Variants in MYO1E observed in about 807,000 individuals in gnomAD.
The protein encoded by MYO1E is myosin IE.
In MYO1E, 68 loss-of-function variants were observed where a neutral mutation model predicts 151.1. That is an observed-to-expected ratio of 0.45 (90% CI 0.37 to 0.55). The LOEUF (loss-of-function observed/expected upper bound fraction) is 0.55, where lower values mean the gene tolerates loss of function less well. Ranked by LOEUF, MYO1E falls within the 20% of genes least tolerant of loss-of-function variation. The pLI is 0.00. For missense variants in MYO1E, 1,363 were observed against 1,389.3 expected (o/e 0.98, Z 0.30); for synonymous variants, 601 against 501.7 (o/e 1.20, Z -2.64).
In MYO1E at chr15:59,320,384, A is replaced by G. The variant is rs147356481; in HGVS notation, c.4-47935T>C. Among the ~76,000 whole-genome samples, 38 of 152,350 alleles carry G rather than the reference A, an allele frequency of 2.5e-4. 3 individuals are homozygous for G. Among genetic ancestry groups the G allele is most frequent in the African/African-American group, 8.7e-4 (36 of 41,582 alleles). ...CAAAAGCAATCCTAAGCAAAAAAGA[A>G]TAAAGCCAGAGACATCACATTAACT... is the stretch of plus-strand genomic sequence containing the variant. On this transcript the variant is annotated intron_variant, in intron 1 of 27. Coordinates refer to ENST00000288235, the MANE Select transcript of MYO1E (RefSeq NM_004998.4).
Position 59,162,753 on chromosome 15 carries a change from G to A in MYO1E, c.2627+404C>T, listed in dbSNP as rs150449011. Among the ~76,000 whole-genome samples the A allele has an allele frequency of 1.1e-4, 16 of 151,920 alleles. No homozygotes were observed. The East Asian group carries it at 2.7e-3, about 26-fold the overall frequency. On this transcript the variant is annotated intron_variant, in intron 23 of 27. Transcript: ENST00000288235. The stretch of plus-strand genomic sequence containing the variant: ...CCCCGGAGGCTCTACCAATAAACAG[G>A]TTTTATTATGCATTGGTTTGGGGAA...
chr15:59,368,280 C>G (rs1383529562), intron 1 of MYO1E, among the ~76,000 whole-genome samples: 1 of 152,186 alleles, frequency 6.6e-6, no homozygotes, highest in Non-Finnish European at 1.5e-5. Flanking sequence ...TATTTACTCT[C>G]TAGAGGCCAG....
chr15:59,274,841 G>C (rs1214366168), intron 1 of MYO1E, among the ~76,000 whole-genome samples: 1 of 152,112 alleles, frequency 6.6e-6, no homozygotes, highest in African/African-American at 2.4e-5. Flanking sequence ...ACTCACGGTA[G>C]AGTTCATTGA....
At chr15:59,289,994 C>A (rs1479878555) in intron 1 of MYO1E, among the ~76,000 whole-genome samples, 11 of 152,232 alleles carry the variant, frequency 7.2e-5, no homozygotes, top group Non-Finnish European at 1.5e-5. Context: ...GATCGGGGAA[C>A]GGGCATCACT....
chr15:59,193,813 A>G lies in MYO1E; in HGVS notation c.1805+1648T>C, dbSNP rs375533020. ...AGCTCCTCATCCGGGCCTGAATATCATTAACGGACAATATTGTAGAAGGAA... is the reference window on the plus strand; with the variant it reads ...AGCTCCTCATCCGGGCCTGAATATCGTTAACGGACAATATTGTAGAAGGAA... On this transcript the variant is annotated intron_variant, in intron 17 of 27. Coordinates refer to ENST00000288235, the MANE Select transcript of MYO1E (RefSeq NM_004998.4). Among the ~76,000 whole-genome samples, 14 of 152,338 alleles carry G rather than the reference A, an allele frequency of 9.2e-5. No homozygotes were observed. The East Asian group carries it at 2.3e-3, about 25-fold the overall frequency.
intron 16 of MYO1E, among the ~76,000 whole-genome samples, chr15:59,196,892 T>C (rs1422353324): frequency 1.3e-5 from 2 of 152,076 alleles, no homozygotes; most frequent in Non-Finnish European, 2.9e-5. Flanking sequence ...ACTGCAGGGT[T>C]GAATATAGCA....
intron 1 of MYO1E, among the ~76,000 whole-genome samples, chr15:59,277,556 A>AT (rs79926678): frequency 1.4e-5 from 2 of 143,756 alleles, no homozygotes; most frequent in Non-Finnish European, 3.0e-5. Flanking sequence ...CACAAAAAAA[A>AT]AAAAAAAAAA....
chr15:59,276,618 G>A (rs1048231417), intron 1 of MYO1E, among the ~76,000 whole-genome samples: 34 of 152,196 alleles, frequency 2.2e-4, no homozygotes, highest in African/African-American at 8.0e-4. Context: ...TCATGTGCAA[G>A]TTCTGGAAAG....
chr15:59,322,181 T>TA (rs11300619), intron 1 of MYO1E, among the ~76,000 whole-genome samples: 146 of 140,314 alleles, frequency 1.0e-3, no homozygotes, highest in Middle Eastern at 3.6e-3. Flanking sequence ...TCTCAAAAAT[T>TA]AAAAAAAAAA....
intron 1 of MYO1E, among the ~76,000 whole-genome samples, chr15:59,356,915 T>G (rs2080856725): frequency 6.6e-6 from 1 of 151,666 alleles, no homozygotes; most frequent in African/African-American, 2.4e-5. Context: ...TTTTGGTTTT[T>G]TTTTTTTGAG....
chr15:59,353,752 C>A (rs1334263044), intron 1 of MYO1E, among the ~76,000 whole-genome samples: 1 of 85,498 alleles, frequency 1.2e-5, no homozygotes. Flanking sequence ...AGCAAAACTC[C>A]GTCTCAAAAA....
chr15:59,209,400 G>A (rs376347055), intron 13 of MYO1E, among the ~76,000 whole-genome samples: 13 of 152,126 alleles, frequency 8.5e-5, no homozygotes, highest in African/African-American at 2.7e-4. Context: ...TTGTCTGGCC[G>A]GGCATGGTGG....
At chr15:59,326,074 T>C (rs1340653891) in intron 1 of MYO1E, among the ~76,000 whole-genome samples, 1 of 152,044 alleles carries the variant, frequency 6.6e-6, no homozygotes, top group Non-Finnish European at 1.5e-5. Context: ...AAAACTCTCA[T>C]TAAACTCAAA....
At position 59,138,199 on chromosome 15, in the gene MYO1E, T is replaced by G. The variant is rs1359553771; in HGVS notation, c.3249A>C (p.Glu1083Asp). The G allele has an allele frequency of 6.2e-7, 1 of 1,614,176 alleles. No individual in the cohort carries two copies. The highest frequency in any genetic ancestry group is 8.5e-7 in the Non-Finnish European group (1 of 1,180,024). ...NANDIIDIIKEDPSGWWTGRL... is the reference protein window; with the variant it reads ...NANDIIDIIKDDPSGWWTGRL... Reference sequence around the variant, plus strand: ...CCAGCCAACCAGCCACACACTTACCTTCTTTGATAATATCAATAATGTCAT... The same window carrying G: ...CCAGCCAACCAGCCACACACTTACCGTCTTTGATAATATCAATAATGTCAT... The change falls in exon 27 of 28, where the codon GAA becomes GAC. Residue 1083 changes from glutamate to aspartate, a missense_variant and splice_region_variant. Coordinates refer to ENST00000288235, the MANE Select transcript of MYO1E (RefSeq NM_004998.4).
At chr15:59,253,304 T>C (rs1460147380) in intron 4 of MYO1E, among the ~76,000 whole-genome samples, 2 of 152,094 alleles carry the variant, frequency 1.3e-5, no homozygotes, top group Admixed American at 1.3e-4. Flanking sequence ...TGCAGAAAAA[T>C]AATAGAATTA....
chr15:59,361,758 C>A (rs1425823418), intron 1 of MYO1E, among the ~76,000 whole-genome samples: 1 of 152,128 alleles, frequency 6.6e-6, no homozygotes, highest in Non-Finnish European at 1.5e-5. Flanking sequence ...AGTCGTCTCC[C>A]TTTCCTCTTT....
At chr15:59,220,888 G>C (rs1207189588) in intron 9 of MYO1E, among the ~76,000 whole-genome samples, 1 of 130,646 alleles carries the variant, frequency 7.7e-6, no homozygotes, top group Non-Finnish European at 1.6e-5. Flanking sequence ...CCAGAAATTC[G>C]AGACCAGCCC....
chr15:59,227,054 C>T (rs2079996105), intron 7 of MYO1E, among the ~76,000 whole-genome samples: 1 of 152,164 alleles, frequency 6.6e-6, no homozygotes, highest in Non-Finnish European at 1.5e-5. Flanking sequence ...ACTGGCTTTC[C>T]CTCTCCCACC....
chr15:59,285,134 T>C (rs1295278153), intron 1 of MYO1E, among the ~76,000 whole-genome samples: 1 of 152,188 alleles, frequency 6.6e-6, no homozygotes, highest in Non-Finnish European at 1.5e-5. Flanking sequence ...TCTAGCAAAC[T>C]GATTAAAATC....
Sources: gnomAD v4.1 joint callset for allele counts (sites outside exome capture counted in the v4.1 genomes callset) on GRCh38, gnomAD v4.1.1 for gene constraint, MANE v1.5 for transcripts, NCBI Gene and HGNC (gene_info 2026-07-23, HGNC 2026-07-21) for gene names.